NRXN1: variants seen among roughly 807,000 people sequenced by gnomAD.
NRXN1 encodes the protein neurexin-1.
In NRXN1, 39 loss-of-function variants were observed where a neutral mutation model predicts 150.9. The ratio of observed to expected loss-of-function variants is 0.26; its 90% CI spans 0.20 to 0.34. NRXN1 has a LOEUF of 0.34. NRXN1 is among the 10% of genes least tolerant of loss of function. NRXN1 has a pLI of 1.00. For synonymous variants in NRXN1, 924 were observed against 757.0 expected, an observed-to-expected ratio of 1.22 and a Z score of -3.62; for missense variants, 1,815 against 1,949.9, an observed-to-expected ratio of 0.93 and a Z score of 1.30.
rs558206238 is a variant in NRXN1 at position 50,573,621 on chromosome 2, C to G, written c.1321-20596G>C. ...AACCAAGTTAAGGTAAGAAATGAAA[C>G]AGCATCTCATTGGGGTGGAATCCCA... On this transcript the variant is annotated intron_variant, in intron 8 of 22. Transcript: ENST00000401669. 2.0e-5 allele frequency among the ~76,000 whole-genome samples: 3 copies of G among 152,032 alleles called. No individual in the cohort carries two copies. The South Asian group carries it at 6.2e-4, about 32-fold the overall frequency.
At chr2:50,834,726 T>G (rs1671870450) in intron 5 of NRXN1, among the ~76,000 whole-genome samples, 1 of 152,280 alleles carries the variant, frequency 6.6e-6, no homozygotes, top group East Asian at 1.9e-4. Context: ...TTTACTATAT[T>G]ACATATATCT....
chr2:50,640,279 A>T (rs1426836353), intron 5 of NRXN1, among the ~76,000 whole-genome samples: 2 of 152,134 alleles, frequency 1.3e-5, no homozygotes, highest in East Asian at 3.9e-4. Flanking sequence ...GAGAGATATG[A>T]CCTAGGCATT....
At chr2:50,865,657 A>ATTTTTTT (rs1559368492) in intron 5 of NRXN1, among the ~76,000 whole-genome samples, 6 of 39,894 alleles carry the variant, frequency 1.5e-4, no homozygotes, top group Non-Finnish European at 2.5e-4. Context: ...AGCATTTGAA[A>ATTTTTTT]GTTTTTTTTT....
intron 17 of NRXN1, among the ~76,000 whole-genome samples, chr2:50,334,419 G>A (rs547362144): frequency 2.0e-5 from 3 of 152,066 alleles, no homozygotes; most frequent in South Asian, 4.1e-4. Flanking sequence ...TAATAAGATT[G>A]CCTTTCTCTC....
intron 3 of NRXN1, among the ~76,000 whole-genome samples, chr2:50,923,070 T>G (rs1574941488): frequency 6.6e-6 from 1 of 151,848 alleles, no homozygotes; most frequent in Admixed American, 6.6e-5. Flanking sequence ...TGAAATTACA[T>G]TTTTTTAAAA....
At chr2:50,582,186 T>C (rs1672369317) in intron 8 of NRXN1, among the ~76,000 whole-genome samples, 1 of 152,124 alleles carries the variant, frequency 6.6e-6, no homozygotes, top group Non-Finnish European at 1.5e-5. Flanking sequence ...TGATTTGAAA[T>C]ATTAGTTTAA....
At chr2:50,163,187 A>ATAT (rs2059469503) in intron 18 of NRXN1, among the ~76,000 whole-genome samples, 2 of 104,986 alleles carry the variant, frequency 1.9e-5, no homozygotes, top group African/African-American at 6.6e-5. Context: ...TATATATATA[A>ATAT]AACAATACTA....
intron 17 of NRXN1, among the ~76,000 whole-genome samples, chr2:50,294,556 G>A (rs1002817161): frequency 2.6e-5 from 4 of 152,194 alleles, no homozygotes; most frequent in African/African-American, 9.7e-5. Flanking sequence ...TCATTGTGAA[G>A]GAGAATGACA....
intron 5 of NRXN1, among the ~76,000 whole-genome samples, chr2:50,671,810 T>C (rs965588366): frequency 2.0e-5 from 3 of 151,846 alleles, no homozygotes; most frequent in African/African-American, 7.2e-5. Context: ...AGTAAGTATA[T>C]AATAGTTGTA....
At chr2:50,062,646 T>C (rs535327895) in intron 19 of NRXN1, among the ~76,000 whole-genome samples, 1 of 152,130 alleles carries the variant, frequency 6.6e-6, no homozygotes, top group Non-Finnish European at 1.5e-5. Context: ...GACTTGGAGT[T>C]AAATTTCATG....
At chr2:50,767,780 G>A (rs1702542012) in intron 5 of NRXN1, among the ~76,000 whole-genome samples, 1 of 151,854 alleles carries the variant, frequency 6.6e-6, no homozygotes, top group African/African-American at 2.4e-5. Flanking sequence ...TTAATCCTGG[G>A]TTATATAGCT....
chr2:50,573,388 T>G (rs1670943376), intron 8 of NRXN1, among the ~76,000 whole-genome samples: 1 of 150,994 alleles, frequency 6.6e-6, no homozygotes. Context: ...GAATCTAAAG[T>G]CAAACACATG....
intron 19 of NRXN1, among the ~76,000 whole-genome samples, chr2:50,090,934 G>GA (rs932849708): frequency 1.2e-4 from 18 of 150,360 alleles, no homozygotes; most frequent in East Asian, 5.8e-4. Flanking sequence ...TTTTCTCTCA[G>GA]AAAAAAAAAG....
At chr2:50,405,087 G>A (rs2082666522) in intron 17 of NRXN1, among the ~76,000 whole-genome samples, 2 of 152,260 alleles carry the variant, frequency 1.3e-5, no homozygotes, top group Admixed American at 6.5e-5. Flanking sequence ...GACAAGGTGT[G>A]TGTGATATTG....
chr2:50,352,348 T>C (rs1321202431), intron 17 of NRXN1, among the ~76,000 whole-genome samples: 2 of 152,270 alleles, frequency 1.3e-5, no homozygotes, highest in Middle Eastern at 3.4e-3. Flanking sequence ...AACAGGATGG[T>C]TGTCAGGCAG....
intron 17 of NRXN1, among the ~76,000 whole-genome samples, chr2:50,309,191 C>A (rs983271229): frequency 2.0e-5 from 3 of 152,114 alleles, no homozygotes; most frequent in Non-Finnish European, 4.4e-5. Flanking sequence ...GTTAGCCCGG[C>A]CTCAGTTATC....
intron 2 of NRXN1, among the ~76,000 whole-genome samples, chr2:51,001,773 T>C (rs1365899013): frequency 3.9e-5 from 6 of 151,972 alleles, no homozygotes; most frequent in African/African-American, 1.4e-4. Context: ...TATCCCCAAA[T>C]ATAACAGTTT....
At chr2:50,132,600 C>T (rs544549515) in intron 18 of NRXN1, among the ~76,000 whole-genome samples, 20 of 152,136 alleles carry the variant, frequency 1.3e-4, no homozygotes, top group African/African-American at 3.4e-4. Flanking sequence ...CCACCGCGAC[C>T]GGCCCAGCTC....
chr2:50,169,746 T>C lies in NRXN1; in HGVS notation c.3546+67043A>G, dbSNP rs146693190. Among the ~76,000 whole-genome samples, 952 of 147,542 alleles carry C rather than the reference T, an allele frequency of 6.5e-3. 14 individuals carry two copies. The highest frequency in any genetic ancestry group is 0.023 in the African/African-American group (926 of 39,998). ...AAAAAAAAGAAAGAAAGAAATTATA[T>C]GGATGAGGTAGATGGAGGACGGGGG... On this transcript the variant is annotated intron_variant, in intron 18 of 22. Coordinates refer to ENST00000401669, the MANE Select transcript of NRXN1 (RefSeq NM_001330078.2).
Sources: gnomAD v4.1 joint callset for allele counts (sites outside exome capture counted in the v4.1 genomes callset) on GRCh38, gnomAD v4.1.1 for gene constraint, MANE v1.5 for transcripts, NCBI Gene and HGNC (gene_info 2026-07-23, HGNC 2026-07-21) for gene names.